Variants in DCC observed in about 807,000 individuals in gnomAD.
DCC encodes the protein DCC netrin 1 receptor.
DCC carries 58 observed loss-of-function variants against 172.5 expected under a neutral mutation model. The ratio of observed to expected loss-of-function variants is 0.34; its 90% CI spans 0.27 to 0.42. DCC has a LOEUF of 0.42. Ranked by LOEUF, DCC falls within the 10% of genes least tolerant of loss-of-function variation. DCC has a pLI of 1.00. For synonymous variants in DCC, 709 were observed against 644.5 expected (o/e 1.10, Z -1.52); for missense variants, 1,740 against 1,791.0 (o/e 0.97, Z 0.51).
intron 2 of DCC, chr18:52,816,926 C>T (rs1011070615): frequency 6.6e-6 from 1 of 151,992 alleles, no homozygotes; most frequent in African/African-American, 2.4e-5. Context: ...TTTTTGGTTA[C>T]CTCAGTTACT....
chr18:53,312,914 AGGGAG>A (rs1163804130), intron 13 of DCC, among the ~76,000 whole-genome samples: 3 of 52,644 alleles, frequency 5.7e-5, no homozygotes, highest in Admixed American at 4.2e-4. Context: ...GGGAAGGGAA[AGGGAG>A]GGGAGGGGAG....
rs575619583 is a variant in DCC, at chr18:52,615,713, A to T, written c.92-136341A>T. On this transcript the variant is annotated intron_variant, in intron 1 of 28. Coordinates refer to ENST00000442544, the MANE Select transcript of DCC (RefSeq NM_005215.4). ...GTTTGGTTAAGTACCCAAAATTGAG[A>T]ACAATTAAAGACAAGTTCTTCTGAT... Among the ~76,000 whole-genome samples, 14 of 152,270 alleles carry T rather than the reference A, an allele frequency of 9.2e-5. No homozygotes were observed. In the East Asian group the frequency reaches 2.7e-3, roughly 30 times the overall value.
chr18:53,498,232 C>T (rs1267586540), intron 26 of DCC, among the ~76,000 whole-genome samples: 1 of 152,166 alleles, frequency 6.6e-6, no homozygotes, highest in African/African-American at 2.4e-5. Flanking sequence ...CTTTGATGAC[C>T]TCCTTGAGCC....
At chr18:53,097,816 CAG>C (rs896953929) in intron 7 of DCC, among the ~76,000 whole-genome samples, 4 of 151,888 alleles carry the variant, frequency 2.6e-5, no homozygotes, top group Non-Finnish European at 5.9e-5. Flanking sequence ...CATACTGAAA[CAG>C]AGAGAGAGAG....
chr18:53,128,926 A>G (rs538575378), intron 7 of DCC, among the ~76,000 whole-genome samples: 6 of 140,792 alleles, frequency 4.3e-5, no homozygotes, highest in South Asian at 4.5e-4. Context: ...TTGCTTTGTC[A>G]TCCGGGCTGG....
intron 5 of DCC, among the ~76,000 whole-genome samples, chr18:53,006,385 T>C (rs1459673051): frequency 5.3e-5 from 8 of 152,142 alleles, no homozygotes; most frequent in Admixed American, 4.6e-4. Context: ...ATGATAAGTA[T>C]AAGACAAGGG....
intron 1 of DCC, among the ~76,000 whole-genome samples, chr18:52,697,893 A>T (rs1435712450): frequency 6.6e-6 from 1 of 151,968 alleles, no homozygotes; most frequent in Non-Finnish European, 1.5e-5. Context: ...ATTTTTCTAT[A>T]TTTTTCTTCA....
intron 9 of DCC, among the ~76,000 whole-genome samples, chr18:53,202,362 A>G (rs190556335): frequency 2.6e-5 from 4 of 152,310 alleles, no homozygotes; most frequent in Non-Finnish European, 5.9e-5. Flanking sequence ...ATTAAGGACA[A>G]TAATGAATTA....
chr18:52,856,842 T>C (rs2039064422), intron 2 of DCC, among the ~76,000 whole-genome samples: 1 of 152,162 alleles, frequency 6.6e-6, no homozygotes, highest in African/African-American at 2.4e-5. Context: ...ACATGCTCCA[T>C]GTACGCACCA....
chr18:52,761,910 A>G (rs1366616072), intron 2 of DCC, among the ~76,000 whole-genome samples: 5 of 138,210 alleles, frequency 3.6e-5, no homozygotes, highest in Non-Finnish European at 6.4e-5. Context: ...CTCTGTCTCA[A>G]AAAAAAAAAA....
chr18:53,219,118 G>A (rs1392418577), intron 12 of DCC, among the ~76,000 whole-genome samples: 3 of 152,270 alleles, frequency 2.0e-5, no homozygotes, highest in South Asian at 2.1e-4. Flanking sequence ...AATAAGGAAT[G>A]TGATCTAGAA....
chr18:53,090,004 C>T (rs887477754), intron 7 of DCC, among the ~76,000 whole-genome samples: 19 of 152,114 alleles, frequency 1.2e-4, no homozygotes, highest in African/African-American at 4.6e-4. Flanking sequence ...GAATCTTTGG[C>T]TCTACTTTCT....
chr18:52,820,583 A>G (rs1241368976), intron 2 of DCC, among the ~76,000 whole-genome samples: 1 of 152,184 alleles, frequency 6.6e-6, no homozygotes, highest in South Asian at 2.1e-4. Context: ...AGGCTACAGA[A>G]TTGAACAGGA....
At chr18:52,541,875 G>GTGTATATA (rs1555695194) in intron 1 of DCC, among the ~76,000 whole-genome samples, 63 of 115,186 alleles carry the variant, frequency 5.5e-4, no homozygotes, top group Non-Finnish European at 5.5e-4. Flanking sequence ...GTGTGTGTGT[G>GTGTATATA]TATATATATA....
At chr18:52,915,632 C>T (rs969097921) in intron 3 of DCC, among the ~76,000 whole-genome samples, 1 of 151,892 alleles carries the variant, frequency 6.6e-6, no homozygotes, top group African/African-American at 2.4e-5. Flanking sequence ...TTATATGATC[C>T]ATGATGCTAT....
intron 9 of DCC, among the ~76,000 whole-genome samples, chr18:53,187,655 C>A (rs2055303516): frequency 6.6e-6 from 1 of 152,136 alleles, no homozygotes; most frequent in African/African-American, 2.4e-5. Flanking sequence ...ATTCTGCCTG[C>A]TGTAATATAT....
intron 2 of DCC, among the ~76,000 whole-genome samples, chr18:52,765,199 A>ATTTTTTTTTTTTTTTTTTT (rs369735420): frequency 8.3e-6 from 1 of 120,116 alleles, no homozygotes; most frequent in African/African-American, 3.4e-5. Context: ...ACTCCTGGCT[A>ATTTTTTTTTTTTTTTTTTT]ATTTTTTTTT....
chr18:52,664,571 C>T (rs537619557), intron 1 of DCC, among the ~76,000 whole-genome samples: 5 of 146,830 alleles, frequency 3.4e-5, no homozygotes, highest in Admixed American at 1.4e-4. Flanking sequence ...CCTGGGTTCA[C>T]GCCATTCTCC....
chr18:53,300,454 C>A, intron 12 of DCC, among the ~76,000 whole-genome samples: 1 of 152,108 alleles, frequency 6.6e-6, no homozygotes, highest in East Asian at 1.9e-4. Flanking sequence ...TTAAAATGAT[C>A]CCAGAGTGGA....
Sources: allele counts gnomAD v4.1 joint callset (sites outside exome capture counted in the v4.1 genomes callset), GRCh38; gene constraint gnomAD v4.1.1; transcripts MANE v1.5; gene names NCBI Gene and HGNC (gene_info 2026-07-23, HGNC 2026-07-21).